ST6GALNAC2: variants seen among roughly 807,000 people sequenced by gnomAD.
The protein encoded by ST6GALNAC2 is ST6 N-acetylgalactosaminide alpha-2,6-sialyltransferase 2, also known as alpha-N-acetylgalactosaminide alpha-2,6-sialyltransferase 2.
ST6GALNAC2 carries 42 observed loss-of-function variants against 38.7 expected under a neutral mutation model. That is an observed-to-expected ratio of 1.09 (90% CI 0.85 to 1.40). The LOEUF (loss-of-function observed/expected upper bound fraction) is 1.40, where lower values mean the gene tolerates loss of function less well. Among genes scored for constraint, ST6GALNAC2 ranks in the 40% most tolerant of loss-of-function variants. The pLI is 0.00. For synonymous variants in ST6GALNAC2, 233 were observed against 209.0 expected (o/e 1.11, Z -0.99); for missense variants, 506 against 481.7 (o/e 1.05, Z -0.47).
intron 2 of ST6GALNAC2, among the ~76,000 whole-genome samples, chr17:76,575,871 A>G (rs951477234): frequency 6.6e-6 from 1 of 152,248 alleles, no homozygotes; most frequent in Non-Finnish European, 1.5e-5. Context: ...AAAGCAGGAA[A>G]TAGCTGTACA....
intron 2 of ST6GALNAC2, among the ~76,000 whole-genome samples, chr17:76,575,152 G>T (rs1307878221): frequency 6.6e-6 from 1 of 152,204 alleles, no homozygotes; most frequent in Non-Finnish European, 1.5e-5. Flanking sequence ...GTATGGGTCT[G>T]ACCTGCCTGC....
chr17:76,574,628 G>A, intron 2 of ST6GALNAC2, 89 bp from the exon 3 acceptor site: 1 of 1,160,004 alleles, frequency 8.6e-7, no homozygotes, highest in Non-Finnish European at 1.2e-6. Flanking sequence ...GTTGCGAGTT[G>A]TGAGGGAAGG....
At chr17:76,584,065 GC>G (rs1268124502) in intron 1 of ST6GALNAC2, among the ~76,000 whole-genome samples, 1 of 151,218 alleles carries the variant, frequency 6.6e-6, no homozygotes, top group African/African-American at 2.4e-5. Context: ...TGATCCGCCT[GC>G]CTCGGCCTCC....
intron 3 of ST6GALNAC2, 151 bp downstream of exon 3, chr17:76,574,214 A>G: frequency 2.2e-6 from 2 of 889,616 alleles, no homozygotes; most frequent in Non-Finnish European, 3.4e-6. Flanking sequence ...GTGAGGCAGG[A>G]GTTGCATAGC....
intron 1 of ST6GALNAC2, among the ~76,000 whole-genome samples, chr17:76,584,594 C>T (rs2075521322): frequency 1.3e-5 from 2 of 152,106 alleles, no homozygotes; most frequent in South Asian, 2.1e-4. Flanking sequence ...CTCCCACCTC[C>T]GCCTCCCAGA....
intron 7 of ST6GALNAC2, 169 bp from the exon 8 acceptor site, chr17:76,567,721 G>A: frequency 1.9e-6 from 1 of 533,954 alleles, no homozygotes; most frequent in South Asian, 2.3e-5. Context: ...GAGACCTTAG[G>A]TAAGGTTGGG....
chr17:76,580,498 A>G (rs879318479), intron 1 of ST6GALNAC2, among the ~76,000 whole-genome samples: 6 of 152,108 alleles, frequency 3.9e-5, no homozygotes, highest in Non-Finnish European at 8.8e-5. Context: ...GATCGAGACC[A>G]TCCTGGCTAA....
chr17:76,574,262 T>C, intron 3 of ST6GALNAC2, 103 bp downstream of exon 3: 1 of 1,344,128 alleles, frequency 7.4e-7, no homozygotes, highest in East Asian at 2.4e-5. Context: ...CAGGGAGACC[T>C]GGCATCACCA....
intron 1 of ST6GALNAC2, chr17:76,579,042 C>A (rs1176211357): frequency 3.2e-6 from 1 of 315,290 alleles, no homozygotes; most frequent in African/African-American, 2.2e-5. Context: ...GCCTCAGCCT[C>A]CTGAGTAGCT....
At chr17:76,566,386 T>C in intron 8 of ST6GALNAC2, 115 bp from the exon 9 acceptor site, 1 of 1,133,348 alleles carries the variant, frequency 8.8e-7, no homozygotes, top group South Asian at 1.4e-5. Context: ...AGGATAATGG[T>C]CTAGGGCTTA....
At position 76,574,417 on chromosome 17, in the gene ST6GALNAC2, G is replaced by A. The variant is rs762678708; in HGVS notation, c.309C>T (p.Asp103=). The change falls in exon 3 of 9, where the codon GAC becomes GAT. Residue 103 remains aspartate (D), a synonymous_variant. Coordinates refer to ENST00000225276, the MANE Select transcript of ST6GALNAC2 (RefSeq NM_006456.3). ...WGDLFTPALW[D]RLSQHKAPYG... The stretch of plus-strand genomic sequence containing the variant: ...ACGGGGCTTTGTGTTGGCTCAGGCG[G>A]TCCCAGAGCGCTGGGGTGAAGAGGT... 2.5e-6 allele frequency: 4 copies of A among 1,613,892 alleles called. No individual in the cohort carries two copies. Among genetic ancestry groups the A allele is most frequent in the Non-Finnish European group, 3.4e-6 (4 of 1,179,958 alleles).
Position 76,578,752 on chromosome 17 carries a change from C to T in ST6GALNAC2, c.186+4G>A, listed in dbSNP as rs1226832683. 6.2e-7 allele frequency: 1 copy of T among 1,613,168 alleles called. No individual in the cohort carries two copies. Among genetic ancestry groups the T allele is most frequent in the South Asian group, 1.1e-5 (1 of 90,926 alleles). ...AACTGCCACAGGGTAGTCGACCACT[C>T]TACCTTTCCTGTCCAAGAATTCGAT... On this transcript the variant is annotated splice_donor_region_variant and intron_variant, in intron 2 of 8. Transcript: ENST00000225276.
At position 76,570,639 on chromosome 17, in the gene ST6GALNAC2, G is replaced by T; in HGVS notation, c.699C>A (p.Asp233Glu). 6.2e-7 allele frequency: 1 copy of T among 1,612,988 alleles called. No homozygotes were observed. Residue 233 changes from aspartate (D) to glutamate (E), a missense_variant, in exon 6 of 9, where the codon GAC becomes GAA. By Grantham distance (45) the Asp-to-Glu change is conservative. Coordinates refer to ENST00000225276, the MANE Select transcript of ST6GALNAC2 (RefSeq NM_006456.3). ...QDLQYIFIPSDIRDYVMLRSA... is the reference protein window; with the variant it reads ...QDLQYIFIPSEIRDYVMLRSA... ...ATCTCAGCATCACATAGTCGCGGAT[G>T]TCTGAGGGGATGAAGATATACTGCA...
chr17:76,583,322 G>A, intron 1 of ST6GALNAC2, among the ~76,000 whole-genome samples: 1 of 147,918 alleles, frequency 6.8e-6, no homozygotes, highest in South Asian at 2.1e-4. Flanking sequence ...CTTGCAGTGA[G>A]CCGAGATGGG....
intron 2 of ST6GALNAC2, among the ~76,000 whole-genome samples, chr17:76,577,822 C>T (rs529828942): frequency 2.8e-4 from 43 of 152,162 alleles, no homozygotes; most frequent in African/African-American, 9.2e-4. Context: ...ATCTGCCCAC[C>T]TCGGCCCCCC....
chr17:76,585,611 G>T lies in ST6GALNAC2; in HGVS notation c.125+73C>A, dbSNP rs1233039346. 3.5e-6 allele frequency: 5 copies of T among 1,422,540 alleles called. No homozygotes were observed. In the South Asian group the frequency reaches 7.2e-5, roughly 21 times the overall value. The allele number at this position is 1,422,540 out of a possible 1,614,324, so 88.1% of individuals were successfully genotyped here. ...GCTGAGGGCTGCGGGCCGCCGGGGA[G>T]CCCTGGGCTGGGGACCCTCCCCGCG... On this transcript the variant is annotated intron_variant, in intron 1 of 8. Coordinates refer to ENST00000225276, the MANE Select transcript of ST6GALNAC2 (RefSeq NM_006456.3).
Position 76,566,103 on chromosome 17 carries a change from G to T in ST6GALNAC2, c.*1C>A, listed in dbSNP as rs746654348. 6.2e-7 allele frequency: 1 copy of T among 1,613,672 alleles called. No individual in the cohort carries two copies. Among genetic ancestry groups the T allele is most frequent in the African/African-American group, 1.3e-5 (1 of 75,028 alleles). On this transcript the variant is annotated 3_prime_UTR_variant, in exon 9 of 9. Coordinates refer to ENST00000225276, the MANE Select transcript of ST6GALNAC2 (RefSeq NM_006456.3). ...GAAGCAAAGGGCTCAGTGCATTGGG[G>T]TCAGCGCTGGTACAGCTGAAGGATG... is the stretch of plus-strand genomic sequence containing the variant.
At chr17:76,571,791 G>A (rs1405115383) in intron 5 of ST6GALNAC2, among the ~76,000 whole-genome samples, 1 of 152,154 alleles carries the variant, frequency 6.6e-6, no homozygotes, top group Non-Finnish European at 1.5e-5. Flanking sequence ...CCCTAACCCT[G>A]TGGCTGTGGC....
Position 76,570,563 on chromosome 17 carries a change from A to G in ST6GALNAC2, c.773+2T>C. 4 of 1,605,828 alleles carry G rather than the reference A, an allele frequency of 2.5e-6. No homozygotes were observed. Among genetic ancestry groups the G allele is most frequent in the Non-Finnish European group, 3.4e-6 (4 of 1,174,980 alleles). On this transcript the variant is annotated splice_donor_variant, in intron 6 of 8. Coordinates refer to ENST00000225276, the MANE Select transcript of ST6GALNAC2 (RefSeq NM_006456.3). LOFTEE classifies it high-confidence loss of function. ...CCACACCACCACGGCCTGGCTGCTC[A>G]CCTGTCCCCTTTATCTAGGCCCTCA...
Sources: allele counts gnomAD v4.1 joint callset (sites outside exome capture counted in the v4.1 genomes callset), GRCh38; gene constraint gnomAD v4.1.1; transcripts MANE v1.5; gene names NCBI Gene and HGNC (gene_info 2026-07-23, HGNC 2026-07-21).